The following ENTREP1 variants were observed in gnomAD, a reference collection of about 807,000 sequenced individuals.
ENTREP1 encodes endosomal transmembrane epsin interactor 1.
the ENTREP1 span, among the ~76,000 whole-genome samples, chr9:69,328,227 C>T: frequency 6.6e-5 from 10 of 152,242 alleles, no homozygotes; most frequent in South Asian, 2.1e-4. Flanking sequence ...TTAGATCCTT[C>T]GTGCTCCCTA....
chr9:69,338,097 A>G, the ENTREP1 span, among the ~76,000 whole-genome samples: 1 of 152,230 alleles, frequency 6.6e-6, no homozygotes, highest in South Asian at 2.1e-4. Flanking sequence ...TTACAACTCC[A>G]TCAATGATTG....
chr9:69,389,359 C>A, the ENTREP1 span, among the ~76,000 whole-genome samples: 45 of 151,970 alleles, frequency 3.0e-4, no homozygotes, highest in African/African-American at 1.1e-3. Flanking sequence ...TGAGTAAATA[C>A]CCTCTCACTG....
the ENTREP1 span, among the ~76,000 whole-genome samples, chr9:69,389,232 T>C: frequency 1.3e-5 from 2 of 152,200 alleles, no homozygotes; most frequent in South Asian, 4.2e-4. Flanking sequence ...GTATGGATGT[T>C]TTGTGGCTCT....
chr9:69,384,652 G>C, the ENTREP1 span, among the ~76,000 whole-genome samples: 5 of 152,142 alleles, frequency 3.3e-5, no homozygotes, highest in Non-Finnish European at 5.9e-5. Flanking sequence ...ATTTATCCTT[G>C]TACTTTAAGG....
chr9:69,352,668 T>A, the ENTREP1 span, among the ~76,000 whole-genome samples: 1 of 152,262 alleles, frequency 6.6e-6, no homozygotes, highest in Non-Finnish European at 1.5e-5. Context: ...TTCCAGAAGG[T>A]CTGTCTCTAG....
the ENTREP1 span, chr9:69,325,424 C>T: frequency 1.0e-6 from 1 of 996,402 alleles, no homozygotes; most frequent in Non-Finnish European, 1.2e-6. Context: ...GCCGCCGCTG[C>T]CCCCGCTGCG....
At chr9:69,351,454 T>C in the ENTREP1 span, among the ~76,000 whole-genome samples, 3 of 152,148 alleles carry the variant, frequency 2.0e-5, no homozygotes, top group Non-Finnish European at 4.4e-5. Context: ...TTTCACTCTG[T>C]CCCCCAGGCT....
chr9:69,370,160 C>G, the ENTREP1 span, among the ~76,000 whole-genome samples: 1 of 151,764 alleles, frequency 6.6e-6, no homozygotes, highest in Non-Finnish European at 1.5e-5. Context: ...TATAACCACA[C>G]TTTTTTTTCA....
chr9:69,352,278 C>T, the ENTREP1 span, among the ~76,000 whole-genome samples: 2 of 152,052 alleles, frequency 1.3e-5, no homozygotes, highest in African/African-American at 4.8e-5. Context: ...GCCACCACAC[C>T]CGGCTGATTT....
At chr9:69,384,135 A>G in the ENTREP1 span, 2 of 733,200 alleles carry the variant, frequency 2.7e-6, no homozygotes, top group Non-Finnish European at 4.6e-6. Flanking sequence ...AGGTGGGAGG[A>G]TCACATGAGG....
chr9:69,364,150 C>T, the ENTREP1 span, among the ~76,000 whole-genome samples: 67 of 152,264 alleles, frequency 4.4e-4, no homozygotes, highest in Non-Finnish European at 6.8e-4. Context: ...GTAATAATAA[C>T]ACTGTGTACA....
chr9:69,365,675 A>C, the ENTREP1 span, among the ~76,000 whole-genome samples: 1 of 151,902 alleles, frequency 6.6e-6, no homozygotes, highest in African/African-American at 2.4e-5. Flanking sequence ...CCTATCCCCC[A>C]CACCCCACAT....
the ENTREP1 span, chr9:69,375,592 C>A: frequency 4.7e-6 from 3 of 644,344 alleles, no homozygotes; most frequent in Non-Finnish European, 8.0e-6. Flanking sequence ...CCATGCTATA[C>A]CCTAGCCCAT....
the ENTREP1 span, chr9:69,383,259 A>C: frequency 4.5e-6 from 3 of 662,956 alleles, no homozygotes; most frequent in Non-Finnish European, 5.7e-6. Flanking sequence ...ATCTTTATCT[A>C]GTTCCAAAGC....
chr9:69,369,755 A>G, the ENTREP1 span, among the ~76,000 whole-genome samples: 1 of 152,090 alleles, frequency 6.6e-6, no homozygotes. Flanking sequence ...GTGAAGTGGT[A>G]TCTCATTGTG....
At chr9:69,388,422 C>G in the ENTREP1 span, 6 of 1,603,068 alleles carry the variant, frequency 3.7e-6, no homozygotes, top group Non-Finnish European at 5.1e-6. Flanking sequence ...ATGGAGGAAG[C>G]CATCACAAGT....
chr9:69,327,193 G>A, the ENTREP1 span, among the ~76,000 whole-genome samples: 1 of 152,194 alleles, frequency 6.6e-6, no homozygotes, highest in Non-Finnish European at 1.5e-5. Context: ...GCTGGACTGT[G>A]GTGAGTGAAA....
chr9:69,337,186 TG>T, the ENTREP1 span, among the ~76,000 whole-genome samples: 1 of 151,872 alleles, frequency 6.6e-6, no homozygotes, highest in Non-Finnish European at 1.5e-5. Flanking sequence ...GGCTAATTTT[TG>T]TATTTTTAGT....
the ENTREP1 span, among the ~76,000 whole-genome samples, chr9:69,367,762 TACACATATATATAAATATATATAC>T: frequency 5.1e-4 from 44 of 86,330 alleles, no homozygotes; most frequent in African/African-American, 8.0e-4. Flanking sequence ...AATATATATA[TACACATATATATAAATATATATAC>T]ACACATATAT....
Sources: allele counts gnomAD v4.1 joint callset (sites outside exome capture counted in the v4.1 genomes callset), GRCh38; gene constraint gnomAD v4.1.1; transcripts MANE v1.5; gene names NCBI Gene and HGNC (gene_info 2026-07-23, HGNC 2026-07-21).